The following CD96 variants were observed in gnomAD, a reference collection of about 807,000 sequenced individuals.
CD96 encodes T-cell surface protein tactile.
A neutral mutation model predicts 71.3 loss-of-function variants in CD96; 70 were observed. The observed-to-expected ratio is 0.98, with a 90% CI of 0.81 to 1.20. CD96 has a LOEUF of 1.20. Ranked by LOEUF, CD96 falls within the 50% of genes most tolerant of loss-of-function variation. The pLI is 0.00. For synonymous variants in CD96, 248 were observed against 233.0 expected, an observed-to-expected ratio of 1.06 and a Z score of -0.59; for missense variants, 742 against 677.5, an observed-to-expected ratio of 1.10 and a Z score of -1.06.
chr3:111,542,346 C>G, intron 1 of CD96, 37 bp downstream of exon 1: 1 of 1,508,062 alleles, frequency 6.6e-7, no homozygotes, highest in South Asian at 1.1e-5. Flanking sequence ...TCGGATGGGC[C>G]GCTTTAGGGG....
intron 3 of CD96, among the ~76,000 whole-genome samples, chr3:111,571,789 A>G (rs1935996618): frequency 6.6e-6 from 1 of 152,220 alleles, no homozygotes; most frequent in Admixed American, 6.5e-5. Context: ...TATGCCCCAC[A>G]ATATTGATGG....
intron 8 of CD96, among the ~76,000 whole-genome samples, chr3:111,611,955 T>C (rs1273799289): frequency 1.3e-5 from 2 of 152,208 alleles, no homozygotes; most frequent in Admixed American, 1.3e-4. Context: ...TCAGTGCCCA[T>C]GTTATCCTGA....
At chr3:111,577,746 T>C (rs1936283466) in intron 3 of CD96, among the ~76,000 whole-genome samples, 1 of 152,210 alleles carries the variant, frequency 6.6e-6, no homozygotes, top group Non-Finnish European at 1.5e-5. Context: ...CCTTAGTCCA[T>C]CCTCTGTTTC....
downstream of CD96, among the ~76,000 whole-genome samples, chr3:111,653,334 T>C (rs1940151790): frequency 6.6e-6 from 1 of 152,224 alleles, no homozygotes; most frequent in Non-Finnish European, 1.5e-5. Flanking sequence ...AATTGTGTGG[T>C]TATTACACAA....
chr3:111,577,538 A>C (rs769106772), intron 3 of CD96: 8 of 1,599,042 alleles, frequency 5.0e-6, no homozygotes, highest in Non-Finnish European at 6.9e-6. Context: ...CCTTCTTTCT[A>C]AGGGTATAAA....
chr3:111,606,119 AC>A (rs1937617094), intron 7 of CD96, among the ~76,000 whole-genome samples: 1 of 152,204 alleles, frequency 6.6e-6, no homozygotes. Context: ...CCCAACACAG[AC>A]ACACGCACGC....
At chr3:111,543,136 TATG>T (rs1242541111) in intron 1 of CD96, among the ~76,000 whole-genome samples, 3 of 152,248 alleles carry the variant, frequency 2.0e-5, no homozygotes, top group African/African-American at 7.2e-5. Context: ...TCCACAGAAG[TATG>T]ATAATTCCCA....
At chr3:111,556,370 A>C in intron 2 of CD96, among the ~76,000 whole-genome samples, 2 of 98,520 alleles carry the variant, frequency 2.0e-5, no homozygotes, top group East Asian at 3.7e-4. Flanking sequence ...CCACCCCACA[A>C]CAGTCCCCAG....
chr3:111,555,410 T>C (rs1276496399), intron 2 of CD96, among the ~76,000 whole-genome samples: 1 of 152,300 alleles, frequency 6.6e-6, no homozygotes, highest in African/African-American at 2.4e-5. Context: ...GTAAGACAAA[T>C]CTACTTGCAA....
intron 3 of CD96, among the ~76,000 whole-genome samples, chr3:111,571,765 C>T (rs1333256858): frequency 6.6e-6 from 1 of 152,194 alleles, no homozygotes; most frequent in Non-Finnish European, 1.5e-5. Context: ...CTATTTGCTC[C>T]TCTCATTTAC....
intron 4 of CD96, among the ~76,000 whole-genome samples, chr3:111,580,212 G>A (rs1160101981): frequency 6.6e-6 from 1 of 152,192 alleles, no homozygotes; most frequent in Admixed American, 6.5e-5. Context: ...GGAGTGTGGA[G>A]CTGAGCTGTG....
downstream of CD96, among the ~76,000 whole-genome samples, chr3:111,653,992 C>A (rs984841502): frequency 6.6e-6 from 1 of 152,106 alleles, no homozygotes; most frequent in African/African-American, 2.4e-5. Context: ...GAGAAACTTA[C>A]TAAGGCCAGA....
intron 12 of CD96, among the ~76,000 whole-genome samples, chr3:111,642,113 C>T (rs1003393334): frequency 3.9e-5 from 6 of 151,990 alleles, no homozygotes; most frequent in Admixed American, 1.3e-4. Flanking sequence ...CAAACTGAAC[C>T]GAAATCCATC....
At chr3:111,578,194 T>G (rs1323098905) in intron 3 of CD96, among the ~76,000 whole-genome samples, 1 of 152,206 alleles carries the variant, frequency 6.6e-6, no homozygotes, top group East Asian at 1.9e-4. Context: ...TAGTGAGCAC[T>G]TTTATTGACA....
intron 5 of CD96, chr3:111,594,028 C>T: frequency 6.2e-7 from 1 of 1,614,136 alleles, no homozygotes; most frequent in Non-Finnish European, 8.5e-7. Flanking sequence ...GGAAATATTC[C>T]CATGCCTCAG....
In CD96 at chr3:111,624,396, C is replaced by T. The variant is rs777839583; in HGVS notation, c.1313C>T (p.Thr438Ile). 10 of 1,599,890 alleles carry T rather than the reference C, an allele frequency of 6.3e-6. No homozygotes were observed. Among genetic ancestry groups the T allele is most frequent in the African/African-American group, 1.3e-5 (1 of 74,572 alleles). Residue 438 changes from threonine to isoleucine, a missense_variant, in exon 10 of 14, where the codon ACC becomes ATC. Physicochemically the swap from Thr to Ile is moderately conservative, Grantham distance 89 (BLOSUM62 -1). Coordinates refer to ENST00000352690, the MANE Select transcript of CD96 (RefSeq NM_005816.5). ...NYPWTSSGTD[T>I]KKSVSRIPSE... ...CCCTGGACCTCCAGTGGGACAGATA[C>T]CAAAAAATGTTAAGTATAATCGTGG...
chr3:111,597,875 T>C (rs1937329867), intron 5 of CD96, among the ~76,000 whole-genome samples: 1 of 152,220 alleles, frequency 6.6e-6, no homozygotes, highest in Admixed American at 6.5e-5. Context: ...GGAACATTAG[T>C]ATAGTCCTAG....
At chr3:111,641,943 G>A (rs921032641) in intron 12 of CD96, among the ~76,000 whole-genome samples, 16 of 152,106 alleles carry the variant, frequency 1.1e-4, no homozygotes, top group South Asian at 2.1e-4. Flanking sequence ...AAAATTCTTC[G>A]AACTGAATGA....
intron 2 of CD96, among the ~76,000 whole-genome samples, chr3:111,561,789 C>T (rs1259885735): frequency 6.7e-6 from 1 of 150,188 alleles, no homozygotes; most frequent in Non-Finnish European, 1.5e-5. Flanking sequence ...TGGGCAATGG[C>T]GGGCGCCCCT....
Sources: allele counts gnomAD v4.1 joint callset (sites outside exome capture counted in the v4.1 genomes callset), GRCh38; gene constraint gnomAD v4.1.1; transcripts MANE v1.5; gene names NCBI Gene and HGNC (gene_info 2026-07-23, HGNC 2026-07-21).